EPB41L5: variants seen among roughly 807,000 people sequenced by gnomAD.
The protein encoded by EPB41L5 is band 4.1-like protein 5.
EPB41L5 carries 55 observed loss-of-function variants against 106.6 expected under a neutral mutation model. The observed-to-expected ratio is 0.52, with a 90% CI of 0.42 to 0.65. The LOEUF (loss-of-function observed/expected upper bound fraction) is 0.65, where lower values mean the gene tolerates loss of function less well. Among genes scored for constraint, EPB41L5 ranks in the 30% least tolerant of loss-of-function variants. EPB41L5 has a pLI of 0.00. For missense variants in EPB41L5, 871 were observed against 882.1 expected, an observed-to-expected ratio of 0.99 and a Z score of 0.16; for synonymous variants, 297 against 306.7, an observed-to-expected ratio of 0.97 and a Z score of 0.33.
chr2:120,073,049 G>C (rs545976678), intron 3 of EPB41L5, 129 bp from the exon 4 acceptor site: 1 of 732,468 alleles, frequency 1.4e-6, no homozygotes, highest in East Asian at 3.0e-5. Context: ...CATTCACTTG[G>C]GTTTTTCTCT....
chr2:120,128,712 T>G (rs903210265), intron 17 of EPB41L5, among the ~76,000 whole-genome samples: 8 of 152,128 alleles, frequency 5.3e-5, no homozygotes, highest in African/African-American at 1.9e-4. Context: ...ATCATGGTTT[T>G]TTTTTTTTTT....
At chr2:120,108,404 A>G (rs1270056631) in intron 16 of EPB41L5, 1 of 152,192 alleles carries the variant, frequency 6.6e-6, no homozygotes, top group Non-Finnish European at 1.5e-5. Context: ...CTTTTAATAA[A>G]GAATTGAGAT....
intron 20 of EPB41L5, among the ~76,000 whole-genome samples, chr2:120,153,449 A>G (rs1305722331): frequency 1.3e-5 from 2 of 152,176 alleles, no homozygotes; most frequent in African/African-American, 2.4e-5. Context: ...AAGAAGGTAC[A>G]TGTACATTCT....
chr2:120,029,536 T>C (rs1003504556), intron 2 of EPB41L5, among the ~76,000 whole-genome samples: 2 of 152,150 alleles, frequency 1.3e-5, no homozygotes, highest in Admixed American at 6.5e-5. Context: ...AAATACCTTC[T>C]GCTGAGAAAG....
rs191881598 is a variant in EPB41L5, at chr2:120,064,457, G to T, written c.286-8721G>T. On this transcript the variant is annotated intron_variant, in intron 3 of 24. Coordinates refer to ENST00000263713, the MANE Select transcript of EPB41L5 (RefSeq NM_020909.4). ...AGACCATATTTAACAATAGGGTCTG[G>T]GGTGAGGGTATGTATATGTTAGTGT... 2.8e-4 allele frequency among the ~76,000 whole-genome samples: 43 copies of T among 152,274 alleles called. No homozygotes were observed. In the East Asian group the frequency reaches 6.0e-3, roughly 21 times the overall value.
At chr2:120,098,154 T>TGTGTGTGTGTG (rs1553506352) in intron 14 of EPB41L5, among the ~76,000 whole-genome samples, 1 of 9,774 alleles carries the variant, frequency 1.0e-4, no homozygotes. Flanking sequence ...AAATTGTTTG[T>TGTGTGTGTGTG]TTTGTGTGTG....
At chr2:120,068,562 T>C (rs1681619007) in intron 3 of EPB41L5, among the ~76,000 whole-genome samples, 1 of 152,104 alleles carries the variant, frequency 6.6e-6, no homozygotes, top group Non-Finnish European at 1.5e-5. Context: ...TAGGCGGTTT[T>C]CCCCTCACAG....
At chr2:120,110,708 T>TA (rs1283440132) in intron 16 of EPB41L5, among the ~76,000 whole-genome samples, 3 of 151,404 alleles carry the variant, frequency 2.0e-5, no homozygotes, top group Non-Finnish European at 3.0e-5. Flanking sequence ...AATCTCTGCT[T>TA]ACTGCAGCCT....
At position 120,026,532 on chromosome 2, in the gene EPB41L5, T is replaced by C. The variant is rs185753482; in HGVS notation, c.180+7268T>C. ...TACAGGCGCCTGCCACACACCTGGCTAATTTTTTGTATTTTTAGTAGAGAC... is the reference window on the plus strand; with the variant it reads ...TACAGGCGCCTGCCACACACCTGGCCAATTTTTTGTATTTTTAGTAGAGAC... On this transcript the variant is annotated intron_variant, in intron 2 of 24. Coordinates refer to ENST00000263713, the MANE Select transcript of EPB41L5 (RefSeq NM_020909.4). 1.7e-3 allele frequency among the ~76,000 whole-genome samples: 261 copies of C among 152,294 alleles called. 2 individuals are homozygous for C. Among genetic ancestry groups the C allele is most frequent in the African/African-American group, 4.2e-3 (173 of 41,556 alleles).
intron 24 of EPB41L5, among the ~76,000 whole-genome samples, chr2:120,170,161 G>T (rs1687609199): frequency 6.6e-6 from 1 of 152,182 alleles, no homozygotes; most frequent in Admixed American, 6.5e-5. Flanking sequence ...TATTAGAAAA[G>T]AGCAGTGAAA....
At chr2:120,091,534 C>A in intron 12 of EPB41L5, 21 bp from the exon 13 acceptor site, 1 of 1,581,748 alleles carries the variant, frequency 6.3e-7, no homozygotes, top group Non-Finnish European at 8.7e-7. Flanking sequence ...ATTTCCCTTA[C>A]TTCTGTTATG....
chr2:120,143,802 G>A (rs1686283317), intron 19 of EPB41L5, among the ~76,000 whole-genome samples: 1 of 152,040 alleles, frequency 6.6e-6, no homozygotes, highest in African/African-American at 2.4e-5. Context: ...ATATAAACAT[G>A]TTTTACAACA....
Position 120,063,954 on chromosome 2 carries a change from GAAAA to G in EPB41L5, c.286-9221_286-9218del, listed in dbSNP as rs763844608. 7.9e-4 allele frequency among the ~76,000 whole-genome samples: 120 copies of G among 151,144 alleles called. 1 individual carries two copies. Among genetic ancestry groups the G allele is most frequent in the Non-Finnish European group, 1.4e-3 (93 of 67,676 alleles). ...TGAAACTCCATCTCAAAAAAAAAAA[GAAAA>G]AAGAAACAAAAATCCTTAGAGCATG... is the stretch of plus-strand genomic sequence containing the variant. On this transcript the variant is annotated intron_variant, in intron 3 of 24. Transcript: ENST00000263713.
At chr2:120,121,542 A>G (rs1390566382) in intron 16 of EPB41L5, among the ~76,000 whole-genome samples, 2 of 152,134 alleles carry the variant, frequency 1.3e-5, no homozygotes, top group African/African-American at 2.4e-5. Flanking sequence ...ATCCTTTTTT[A>G]TGGCCGCATA....
intron 24 of EPB41L5, among the ~76,000 whole-genome samples, chr2:120,174,405 C>A (rs1687839631): frequency 6.6e-6 from 1 of 151,866 alleles, no homozygotes; most frequent in African/African-American, 2.4e-5. Flanking sequence ...GTTGAAGCTG[C>A]ATTGAGCCAT....
At chr2:120,104,151 A>G in intron 16 of EPB41L5, 1 of 1,536,008 alleles carries the variant, frequency 6.5e-7, no homozygotes, top group Non-Finnish European at 8.7e-7. Flanking sequence ...TAGAAACTAC[A>G]CTGACTTTGT....
rs147571013 is a variant in EPB41L5, at chr2:120,056,402, G to T, written c.285+14292G>T. Among the ~76,000 whole-genome samples the T allele has an allele frequency of 7.7e-3, 1,168 of 151,822 alleles. 12 individuals are homozygous for T. Among genetic ancestry groups the T allele is most frequent in the African/African-American group, 0.027 (1,108 of 41,408 alleles). Reference sequence around the variant, plus strand: ...GCAACATCTGCCTCCTGGTTCAAGCGATTCTCCTGCCTCAGCCTCCCAAGG... The same window carrying T: ...GCAACATCTGCCTCCTGGTTCAAGCTATTCTCCTGCCTCAGCCTCCCAAGG... On this transcript the variant is annotated intron_variant, in intron 3 of 24. Coordinates refer to ENST00000263713, the MANE Select transcript of EPB41L5 (RefSeq NM_020909.4).
intron 16 of EPB41L5, among the ~76,000 whole-genome samples, chr2:120,126,364 ATACTT>A (rs886941834): frequency 1.4e-4 from 21 of 152,282 alleles, no homozygotes; most frequent in African/African-American, 4.3e-4. Context: ...ATATCTAAGA[ATACTT>A]TACCCACCCA....
chr2:120,133,530 A>G (rs563486144), intron 18 of EPB41L5, among the ~76,000 whole-genome samples: 15 of 152,244 alleles, frequency 9.9e-5, no homozygotes, highest in African/African-American at 2.6e-4. Flanking sequence ...GCAGGGCACA[A>G]TTTCGCTGGT....
Sources: allele counts gnomAD v4.1 joint callset (sites outside exome capture counted in the v4.1 genomes callset), GRCh38; gene constraint gnomAD v4.1.1; transcripts MANE v1.5; gene names NCBI Gene and HGNC (gene_info 2026-07-23, HGNC 2026-07-21).